Variants in RGS6 observed in about 807,000 individuals in gnomAD.
The protein encoded by RGS6 is regulator of G protein signaling 6, also known as regulator of G-protein signaling 6.
In RGS6, 30 loss-of-function variants were observed where a neutral mutation model predicts 78.5. The observed-to-expected ratio is 0.38, with a 90% CI of 0.29 to 0.52. RGS6 has a LOEUF of 0.52. RGS6 is among the 20% of genes least tolerant of loss of function. The pLI, the probability that RGS6 is intolerant of heterozygous loss-of-function variation, is 0.85. For missense variants in RGS6, 495 were observed against 609.7 expected (o/e 0.81, Z 1.98); for synonymous variants, 206 against 206.0 (o/e 1.00, Z 0.00).
At chr14:72,218,439 A>G (rs1407469182) in intron 2 of RGS6, among the ~76,000 whole-genome samples, 8 of 152,152 alleles carry the variant, frequency 5.3e-5, no homozygotes, top group African/African-American at 1.9e-4. Flanking sequence ...TTAATATTGA[A>G]TTAATATGCT....
chr14:71,879,378 C>T, the RGS6 span, among the ~76,000 whole-genome samples: 3 of 152,166 alleles, frequency 2.0e-5, no homozygotes, highest in African/African-American at 4.8e-5. Flanking sequence ...TTGACTTAAC[C>T]TCTCTGAACA....
chr14:71,885,222 A>C, the RGS6 span, among the ~76,000 whole-genome samples: 2 of 152,304 alleles, frequency 1.3e-5, no homozygotes, highest in South Asian at 4.1e-4. Context: ...AAAACAAACA[A>C]AACCTAAACA....
At chr14:71,939,980 A>G (rs768134984) in intron 1 of RGS6, among the ~76,000 whole-genome samples, 2 of 152,220 alleles carry the variant, frequency 1.3e-5, no homozygotes, top group Non-Finnish European at 2.9e-5. Flanking sequence ...GGGTTCTGCC[A>G]GCTGCTAAGT....
At chr14:72,320,859 T>A (rs1438875279) in intron 2 of RGS6, among the ~76,000 whole-genome samples, 1 of 150,406 alleles carries the variant, frequency 6.6e-6, no homozygotes, top group East Asian at 1.9e-4. Context: ...TATTTAAATA[T>A]ACTTAGCATA....
chr14:72,626,774 A>G, the RGS6 span, among the ~76,000 whole-genome samples: 3 of 152,096 alleles, frequency 2.0e-5, no homozygotes, highest in Non-Finnish European at 4.4e-5. Context: ...CCAGGGTTGT[A>G]CTAATTTGTA....
At position 72,352,135 on chromosome 14, in the gene RGS6, G is replaced by T. The variant is rs1276918306; in HGVS notation, c.125G>T (p.Gly42Val). Reference protein sequence around the residue: ...IITKMQDDKTGGVPIRTVKSF... With the variant: ...IITKMQDDKTVGVPIRTVKSF... ...ACAAAGATGCAAGATGACAAGACAGGGGGTGTGCCCATCAGAACAGTCAAG... is the reference window on the plus strand; with the variant it reads ...ACAAAGATGCAAGATGACAAGACAGTGGGTGTGCCCATCAGAACAGTCAAG... Residue 42 changes from glycine to valine, a missense_variant, in exon 3 of 18, where the codon GGG becomes GTG. Transcript: ENST00000553525. 6 of 1,613,258 alleles carry T rather than the reference G, an allele frequency of 3.7e-6. No individual in the cohort carries two copies. The highest frequency in any genetic ancestry group is 2.2e-5 in the East Asian group (1 of 44,854).
At chr14:72,172,934 T>C (rs187073485) in intron 2 of RGS6, among the ~76,000 whole-genome samples, 5 of 152,332 alleles carry the variant, frequency 3.3e-5, no homozygotes, top group Non-Finnish European at 1.5e-5. Flanking sequence ...CTTTTCTTGC[T>C]CTAAAGCAGT....
intron 2 of RGS6, among the ~76,000 whole-genome samples, chr14:72,328,710 G>A (rs1250903512): frequency 1.3e-5 from 2 of 152,152 alleles, no homozygotes; most frequent in Non-Finnish European, 2.9e-5. Flanking sequence ...TCCTCTGGAA[G>A]GCCTGAGAGC....
Position 72,536,200 on chromosome 14 carries a change from G to C in RGS6, c.1293G>C (p.Lys431Asn). 1.9e-6 allele frequency: 3 copies of C among 1,613,586 alleles called. No individual in the cohort carries two copies. The highest frequency in any genetic ancestry group is 2.5e-6 in the Non-Finnish European group (3 of 1,179,664). ...TFEDAQEHIY[K>N]LMKSDSYARF... ...TTCCTCCCCAGGAGCACATCTACAA[G>C]CTGATGAAGAGTGACAGCTATGCCC... Residue 431 changes from lysine to asparagine, a missense_variant, in exon 16 of 18, where the codon AAG becomes AAC. By Grantham distance (94) the Lys-to-Asn change is moderately conservative. Transcript: ENST00000553525.
At chr14:72,018,763 T>C (rs2087669708) in intron 2 of RGS6, among the ~76,000 whole-genome samples, 1 of 152,188 alleles carries the variant, frequency 6.6e-6, no homozygotes, top group Non-Finnish European at 1.5e-5. Flanking sequence ...CCTGGACCAA[T>C]ACTTGTTTCT....
chr14:72,122,594 C>T (rs1378534198), intron 2 of RGS6, among the ~76,000 whole-genome samples: 4 of 152,014 alleles, frequency 2.6e-5, no homozygotes, highest in Non-Finnish European at 5.9e-5. Flanking sequence ...ACTGATTTCC[C>T]TCACCAGGAG....
intron 3 of RGS6, among the ~76,000 whole-genome samples, chr14:72,361,222 A>G (rs993054804): frequency 2.6e-5 from 4 of 151,680 alleles, no homozygotes; most frequent in South Asian, 2.1e-4. Context: ...TTCCCCATCC[A>G]CATTTAGCTC....
the RGS6 span, among the ~76,000 whole-genome samples, chr14:72,622,365 A>T: frequency 6.6e-6 from 1 of 152,290 alleles, no homozygotes; most frequent in African/African-American, 2.4e-5. Context: ...ACTGTAGTTT[A>T]CGCCAAAACA....
chr14:72,425,232 G>A (rs1363601374), intron 3 of RGS6, among the ~76,000 whole-genome samples: 1 of 152,144 alleles, frequency 6.6e-6, no homozygotes, highest in Admixed American at 6.5e-5. Context: ...TCCACCTCCC[G>A]AGTTCAGGCA....
intron 17 of RGS6, among the ~76,000 whole-genome samples, chr14:72,551,915 AT>A (rs1331616257): frequency 2.0e-5 from 3 of 152,234 alleles, no homozygotes; most frequent in Non-Finnish European, 4.4e-5. Flanking sequence ...TAAAAGGGAG[AT>A]AAGAGTAAAT....
At chr14:72,503,157 G>T (rs1318952290) in intron 13 of RGS6, among the ~76,000 whole-genome samples, 1 of 151,994 alleles carries the variant, frequency 6.6e-6, no homozygotes, top group Non-Finnish European at 1.5e-5. Context: ...AGAGCTCTGG[G>T]GTGTCCTTTT....
downstream of RGS6, among the ~76,000 whole-genome samples, chr14:72,566,990 C>T (rs966563719): frequency 2.0e-5 from 3 of 152,184 alleles, no homozygotes; most frequent in East Asian, 1.9e-4. Flanking sequence ...TTCCCACTAA[C>T]GCCAAAGCAG....
At chr14:72,627,243 G>T in the RGS6 span, among the ~76,000 whole-genome samples, 1 of 151,996 alleles carries the variant, frequency 6.6e-6, no homozygotes, top group African/African-American at 2.4e-5. Context: ...GATTAAAGAG[G>T]AATTTACTTG....
intron 2 of RGS6, among the ~76,000 whole-genome samples, chr14:71,997,045 G>A (rs2095232740): frequency 6.6e-6 from 1 of 151,984 alleles, no homozygotes; most frequent in African/African-American, 2.4e-5. Context: ...GGGTGGAAGA[G>A]GAGAGGCCAT....
Sources: allele counts gnomAD v4.1 joint callset (sites outside exome capture counted in the v4.1 genomes callset), GRCh38; gene constraint gnomAD v4.1.1; transcripts MANE v1.5; gene names NCBI Gene and HGNC (gene_info 2026-07-23, HGNC 2026-07-21).